Variants in GLA observed in about 807,000 individuals in gnomAD.
GLA encodes the protein alpha-galactosidase A.
In GLA, 4 loss-of-function variants were observed where a neutral mutation model predicts 28.2. The observed-to-expected ratio is 0.14, with a 90% CI of 0.07 to 0.32. The LOEUF (loss-of-function observed/expected upper bound fraction) is 0.32, where lower values mean the gene tolerates loss of function less well. GLA is among the 10% of genes least tolerant of loss of function. The probability of loss-of-function intolerance (pLI) is 1.00; values close to 1 mark genes in which losing one functional copy is unlikely to be tolerated. For missense variants in GLA, 203 were observed against 323.7 expected (o/e 0.63, Z 2.86); for synonymous variants, 94 against 113.0 (o/e 0.83, Z 1.07).
Position 101,406,546 on chromosome X carries a change from T to TA in GLA, c.194+1163dup, listed in dbSNP as rs200177092. Among the ~76,000 whole-genome samples, 497 of 110,233 alleles carry TA rather than the reference T, an allele frequency of 4.5e-3. 4 individuals are homozygous for TA. The highest frequency in any genetic ancestry group is 0.016 in the African/African-American group (471 of 30,355). ...TTTTATAATCAGATGCAAATACCAA[T>TA]AAAAAAAAATCCGTGATGGGCAAAA... On this transcript the variant is annotated intron_variant, in intron 1 of 6. Transcript: ENST00000218516.
At position 101,398,148 on chromosome X, in the gene GLA, CCT is replaced by C. The variant is rs782414086; in HGVS notation, c.1000-51_1000-50del. On this transcript the variant is annotated intron_variant, in intron 6 of 6. Coordinates refer to ENST00000218516, the MANE Select transcript of GLA (RefSeq NM_000169.3). ...TGCTTAGCAACTAGTGATAAGTGGCCCTGTTAGTTTGGCATTCATTCTTAATG... is the reference window on the plus strand; with the variant it reads ...TGCTTAGCAACTAGTGATAAGTGGCCGTTAGTTTGGCATTCATTCTTAATG... 8 of 1,103,429 alleles carry C rather than the reference CCT, an allele frequency of 7.3e-6. No individual in the cohort carries two copies. In the African/African-American group the frequency reaches 1.5e-4, roughly 20 times the overall value. The allele number at this position is 1,103,429 out of a possible 1,213,427, so 90.9% of individuals were successfully genotyped here. A position where few individuals can be genotyped will look rare whatever the true frequency, so the allele number is the denominator to read the frequency against.
At chrX:101,404,418 C>T (rs1928424702) in intron 1 of GLA, among the ~76,000 whole-genome samples, 1 of 111,493 alleles carries the variant, frequency 9.0e-6, no homozygotes, top group African/African-American at 3.3e-5. Flanking sequence ...CTATGATGCT[C>T]CTAAATGATT....
chrX:101,400,721 C>A lies in GLA; in HGVS notation c.584G>T (p.Gly195Val), dbSNP rs1411817589. 8.4e-7 allele frequency: 1 copy of A among 1,188,575 alleles called. No individual in the cohort carries two copies. The highest frequency in any genetic ancestry group is 1.1e-6 in the Non-Finnish European group (1 of 874,552). The change falls in exon 4 of 7, where the codon GGC becomes GTC. Residue 195 changes from glycine (G) to valine (V), a missense_variant. This residue lies in a region of GLA where 162 missense variants were observed against 246.8 expected (regional missense o/e 0.66). Transcript: ENST00000218516. ...KHMSLALNRT[G>V]RSIVYSCEWP... Reference sequence around the variant, plus strand: ...CTCACAGGAGTACACAATGCTTCTGCCAGTCCTATTCAGGGCCAAGGACAT... The same window carrying A: ...CTCACAGGAGTACACAATGCTTCTGACAGTCCTATTCAGGGCCAAGGACAT...
At chrX:101,401,426 AT>A (rs1309931499) in intron 3 of GLA, 12 of 463,861 alleles carry the variant, frequency 2.6e-5, no homozygotes, top group Non-Finnish European at 4.6e-5. Context: ...AATATTAGCT[AT>A]GGTTAGGTAT....
chrX:101,404,499 C>A (rs909608456), intron 1 of GLA, among the ~76,000 whole-genome samples: 9 of 110,678 alleles, frequency 8.1e-5, no homozygotes, highest in African/African-American at 3.0e-4. Flanking sequence ...TTAATTTTCC[C>A]TGCAATCCTT....
At chrX:101,407,290 C>A (rs781998345) in intron 1 of GLA, among the ~76,000 whole-genome samples, 64 of 111,611 alleles carry the variant, frequency 5.7e-4, no homozygotes, top group Non-Finnish European at 1.5e-4. Flanking sequence ...TAGCACCCGG[C>A]AGAGGAAGAG....
At chrX:101,400,243 TATG>T (rs1456388559) in intron 4 of GLA, among the ~76,000 whole-genome samples, 3 of 111,296 alleles carry the variant, frequency 2.7e-5, no homozygotes, top group Non-Finnish European at 3.8e-5. Context: ...TACATTTTAA[TATG>T]ATAACTCTAG....
Position 101,398,039 on chromosome X carries a change from T to G in GLA, c.1060A>C (p.Ile354Leu). Residue 354 changes from isoleucine to leucine, a missense_variant, in exon 7 of 7, where the codon ATA becomes CTA. Around this residue, in one of 3 missense-constraint regions of GLA, gnomAD observed 162 missense variants for 246.8 expected, o/e 0.66. Transcript: ENST00000218516. ...LSGLAWAVAM[I>L]NRQEIGGPRS... ...GGTCCACCAATCTCCTGCCGGTTTA[T>G]CATAGCTACAGCCCAGGCTAAGCCT... 1 of 1,211,317 alleles carries G rather than the reference T, an allele frequency of 8.3e-7. No individual in the cohort carries two copies. Among genetic ancestry groups the G allele is most frequent in the Non-Finnish European group, 1.1e-6 (1 of 894,916 alleles).
At chrX:101,400,440 G>A (rs2147475430) in intron 4 of GLA, among the ~76,000 whole-genome samples, 1 of 111,482 alleles carries the variant, frequency 9.0e-6, no homozygotes, top group South Asian at 3.7e-4. Context: ...TTGATAGACA[G>A]GACATGAATG....
chrX:101,398,126 T>G, intron 6 of GLA, 27 bp from the exon 7 acceptor site: 1 of 1,179,758 alleles, frequency 8.5e-7, no homozygotes, highest in African/African-American at 1.8e-5. Flanking sequence ...GTGTGGTTGC[T>G]TAGCAACTAG....
chrX:101,400,626 A>T, intron 4 of GLA, 40 bp downstream of exon 4: 1 of 744,812 alleles, frequency 1.3e-6, no homozygotes, highest in Non-Finnish European at 2.1e-6. Flanking sequence ...AGTTCTATCT[A>T]TCAGTACAGT....
In GLA at chrX:101,397,866, G is replaced by A. The variant is rs1555984746; in HGVS notation, c.1233C>T (p.Gly411=). Residue 411 remains glycine (G), a synonymous_variant, in exon 7 of 7, where the codon GGC becomes GGT. Transcript: ENST00000218516. ...SRLRSHINPT[G]TVLLQLENTM... ...TATTTTCTAGCTGAAGCAAAACAGT[G>A]CCTGTGGGATTTATGTGACTTCTTA... 4 of 1,206,668 alleles carry A rather than the reference G, an allele frequency of 3.3e-6. No homozygotes were observed. Among genetic ancestry groups the A allele is most frequent in the Non-Finnish European group, 4.5e-6 (4 of 890,408 alleles).
At chrX:101,404,566 C>CTTTTTTTTTT (rs1171364737) in intron 1 of GLA, among the ~76,000 whole-genome samples, 27 of 79,189 alleles carry the variant, frequency 3.4e-4, no homozygotes, top group Admixed American at 6.0e-4. Flanking sequence ...TCCTTTTTAT[C>CTTTTTTTTTT]TTTTTTTTTT....
chrX:101,405,236 C>CA (rs11448515), intron 1 of GLA, among the ~76,000 whole-genome samples: 9,064 of 35,172 alleles, frequency 0.26, 643 homozygotes, highest in South Asian at 0.42. Flanking sequence ...AACTCCAGCT[C>CA]AAAAAAAAAA....
rs570042882 is a variant in GLA, at chrX:101,398,433, C to T, written c.936G>A (p.Gln312=). The part of the protein sequence containing the change: ...HISPQAKALL[Q]DKDVIAINQD... ...GATTGATGGCAATTACGTCCTTATCCTGAAGGAGAGCTTTGGCTTGAGGGC... is the reference window on the plus strand; with the variant it reads ...GATTGATGGCAATTACGTCCTTATCTTGAAGGAGAGCTTTGGCTTGAGGGC... The change falls in exon 6 of 7, where the codon CAG becomes CAA. Residue 312 remains glutamine (Q), a synonymous_variant. Coordinates refer to ENST00000218516, the MANE Select transcript of GLA (RefSeq NM_000169.3). 2 of 1,209,984 alleles carry T rather than the reference C, an allele frequency of 1.7e-6. No individual in the cohort carries two copies. The highest frequency in any genetic ancestry group is 3.5e-5 in the South Asian group (2 of 56,949).
chrX:101,401,473 G>T, intron 3 of GLA, 159 bp downstream of exon 3: 1 of 522,198 alleles, frequency 1.9e-6, no homozygotes, highest in Non-Finnish European at 3.5e-6. Context: ...ATTAATTAAT[G>T]AACTGAAAGA....
At chrX:101,401,258 AG>A (rs1928303768) in intron 3 of GLA, 1 of 255,245 alleles carries the variant, frequency 3.9e-6, no homozygotes, top group Non-Finnish European at 7.1e-6. Flanking sequence ...GATTGTTCTG[AG>A]GAAGTAGTGC....
rs782246787 is a variant in GLA, at chrX:101,407,461, C to CGAGAGAGAGAGA, written c.194+237_194+248dup. Among the ~76,000 whole-genome samples, 11 of 103,725 alleles carry CGAGAGAGAGAGA rather than the reference C, an allele frequency of 1.1e-4. No homozygotes were observed. The South Asian group carries it at 1.7e-3, about 16-fold the overall frequency. The allele number at this position is 103,725 out of a possible 115,157, so 90.1% of individuals were successfully genotyped here. On this transcript the variant is annotated intron_variant, in intron 1 of 6. Coordinates refer to ENST00000218516, the MANE Select transcript of GLA (RefSeq NM_000169.3). Reference sequence around the variant, plus strand: ...AAGAGAAAGAGAAAGAGAAGGAGAACGAGAGAGAGAGAGAGAGAGAAAGAA... The same window carrying CGAGAGAGAGAGA: ...AAGAGAAAGAGAAAGAGAAGGAGAACGAGAGAGAGAGAGAGAGAGAGAGAGAGAGAGAAAGAA...
chrX:101,402,646 C>A (rs1224098443), intron 2 of GLA, among the ~76,000 whole-genome samples: 5 of 111,060 alleles, frequency 4.5e-5, no homozygotes, highest in African/African-American at 1.3e-4. Context: ...GCCTGTAGTC[C>A]CAGCTACTTG....
Sources: gnomAD v4.1 joint callset for allele counts (sites outside exome capture counted in the v4.1 genomes callset) on GRCh38, gnomAD v4.1.1 for gene constraint, gnomAD v4.1.1 regional missense constraint, MANE v1.5 for transcripts, NCBI Gene and HGNC (gene_info 2026-07-23, HGNC 2026-07-21) for gene names.